DMD: variants seen among roughly 807,000 people sequenced by gnomAD.
The protein encoded by DMD is dystrophin.
In DMD, 63 loss-of-function variants were observed where a neutral mutation model predicts 330.1. That is an observed-to-expected ratio of 0.19 (90% CI 0.16 to 0.24). DMD has a LOEUF of 0.24. Among genes scored for constraint, DMD ranks in the 10% least tolerant of loss-of-function variants. The pLI is 1.00. For synonymous variants in DMD, 1,223 were observed against 959.8 expected (o/e 1.27, Z -5.07); for missense variants, 3,344 against 2,684.1 (o/e 1.25, Z -5.43).
intron 44 of DMD, among the ~76,000 whole-genome samples, chrX:32,189,790 GACCCCAAAAGCCT>G (rs1179531962): frequency 6.3e-5 from 7 of 110,766 alleles, no homozygotes; most frequent in Non-Finnish European, 1.1e-4. Flanking sequence ...GCAAAATTTT[GACCCCAAAAGCCT>G]AACTATGAGT....
chrX:31,802,712 T>C (rs929624696), intron 50 of DMD, among the ~76,000 whole-genome samples: 2 of 111,579 alleles, frequency 1.8e-5, no homozygotes, highest in Non-Finnish European at 3.8e-5. Context: ...TAAAAGATCA[T>C]GAGATTATTT....
At chrX:31,707,255 T>C (rs1018959991) in intron 52 of DMD, among the ~76,000 whole-genome samples, 19 of 110,906 alleles carry the variant, frequency 1.7e-4, no homozygotes, top group African/African-American at 6.2e-4. Flanking sequence ...GAGATGTTCA[T>C]GAAAATCTCC....
At chrX:33,098,522 C>A (rs1352785328) in intron 1 of DMD, among the ~76,000 whole-genome samples, 1 of 110,890 alleles carries the variant, frequency 9.0e-6, no homozygotes, top group African/African-American at 3.3e-5. Flanking sequence ...TTAAGTAGCA[C>A]GGCACTAAAG....
At chrX:33,095,954 T>C (rs986056760) in intron 1 of DMD, among the ~76,000 whole-genome samples, 2 of 105,245 alleles carry the variant, frequency 1.9e-5, no homozygotes, top group Non-Finnish European at 3.9e-5. Context: ...CAAACACTAC[T>C]TCTTCCAGAA....
At chrX:32,728,659 A>C (rs1871353066) in intron 7 of DMD, among the ~76,000 whole-genome samples, 1 of 112,343 alleles carries the variant, frequency 8.9e-6, no homozygotes, top group African/African-American at 3.2e-5. Flanking sequence ...TTATGGTATT[A>C]ATTGATATTA....
At chrX:31,421,978 T>C (rs764547275) in intron 60 of DMD, among the ~76,000 whole-genome samples, 7 of 70,975 alleles carry the variant, frequency 9.9e-5, no homozygotes, top group African/African-American at 5.7e-4. Context: ...TATATACACA[T>C]ATATATATGT....
intron 10 of DMD, among the ~76,000 whole-genome samples, chrX:32,644,757 G>A (rs1377077596): frequency 2.7e-5 from 3 of 110,981 alleles, no homozygotes; most frequent in East Asian, 5.6e-4. Context: ...TTGGGCTTTC[G>A]TATTCCTGTT....
chrX:32,959,353 C>T (rs12390813), intron 2 of DMD, among the ~76,000 whole-genome samples: 41,116 of 110,130 alleles, frequency 0.37, 6,729 homozygotes, highest in African/African-American at 0.64. Flanking sequence ...GATCCAGGGA[C>T]TCTTCTCATC....
chrX:32,791,549 T>C (rs961089376), intron 7 of DMD, among the ~76,000 whole-genome samples: 1 of 111,796 alleles, frequency 8.9e-6, no homozygotes, highest in African/African-American at 3.3e-5. Flanking sequence ...TCATACTGTT[T>C]ACATCCAAAG....
chrX:31,696,444 A>G lies in DMD; in HGVS notation c.7661-16858T>C, dbSNP rs372071227. Among the ~76,000 whole-genome samples the G allele has an allele frequency of 2.6e-4, 29 of 112,209 alleles. No homozygotes were observed. The South Asian group carries it at 0.011, about 41-fold the overall frequency. ...ACACAAAAACAGGAAAAAGTAATAG[A>G]AAACTTTTGAAGTAAGGATAGTAGT... On this transcript the variant is annotated intron_variant, in intron 52 of 78. Transcript: ENST00000357033.
chrX:31,228,278 A>T (rs1235908757), intron 63 of DMD, among the ~76,000 whole-genome samples: 8 of 74,555 alleles, frequency 1.1e-4, no homozygotes, highest in Admixed American at 2.4e-4. Context: ...AAAAAAATAA[A>T]AAAAAAAAAA....
At chrX:31,527,369 C>T (rs1343319377) in intron 55 of DMD, among the ~76,000 whole-genome samples, 4 of 111,626 alleles carry the variant, frequency 3.6e-5, no homozygotes, top group Non-Finnish European at 7.5e-5. Flanking sequence ...TTCCATGCAG[C>T]TAGTGTTCTG....
intron 44 of DMD, among the ~76,000 whole-genome samples, chrX:32,157,423 C>T (rs1337306514): frequency 1.8e-5 from 2 of 112,303 alleles, no homozygotes; most frequent in Non-Finnish European, 3.8e-5. Flanking sequence ...CAAGATTGCT[C>T]CTATGGGCAT....
At chrX:33,014,648 C>T (rs753181372) in intron 2 of DMD, among the ~76,000 whole-genome samples, 4 of 110,708 alleles carry the variant, frequency 3.6e-5, no homozygotes, top group African/African-American at 6.6e-5. Flanking sequence ...GAGTTAGGAA[C>T]ACAATGATTA....
At chrX:32,779,990 C>A (rs1305955639) in intron 7 of DMD, among the ~76,000 whole-genome samples, 1 of 111,510 alleles carries the variant, frequency 9.0e-6, no homozygotes, top group Non-Finnish European at 1.9e-5. Flanking sequence ...TTTAACTTGT[C>A]ATGTATCTTC....
intron 41 of DMD, among the ~76,000 whole-genome samples, chrX:32,337,411 T>A (rs1640598131): frequency 9.2e-6 from 1 of 109,061 alleles, no homozygotes; most frequent in Non-Finnish European, 1.9e-5. Flanking sequence ...ATGTTAAACA[T>A]CAAGATCATA....
At chrX:31,671,265 G>C (rs1460369062) in intron 53 of DMD, among the ~76,000 whole-genome samples, 5 of 111,761 alleles carry the variant, frequency 4.5e-5, no homozygotes, top group African/African-American at 6.5e-5. Context: ...AGCTTGAAAG[G>C]GTTTTGTACT....
rs1292726883 is a variant in DMD at position 31,736,764 on chromosome X, T to A, written c.7543-7016A>T. 2.7e-5 allele frequency among the ~76,000 whole-genome samples: 3 copies of A among 111,298 alleles called. No homozygotes were observed. In the East Asian group the frequency reaches 8.5e-4, roughly 31 times the overall value. ...AGTTGTTTATTGAGTGCATACCATA[T>A]GCCAAAAGAGTCTATCACAGCATAC... On this transcript the variant is annotated intron_variant, in intron 51 of 78. Transcript: ENST00000357033.
At chrX:31,559,640 CAAAAAAAAA>C (rs1167550498) in intron 55 of DMD, among the ~76,000 whole-genome samples, 1 of 21,638 alleles carries the variant, frequency 4.6e-5, no homozygotes. Context: ...AACTCCGTCT[CAAAAAAAAA>C]AAAAAAAAAA....
Sources: allele counts gnomAD v4.1 joint callset (sites outside exome capture counted in the v4.1 genomes callset), GRCh38; gene constraint gnomAD v4.1.1; transcripts MANE v1.5; gene names NCBI Gene and HGNC (gene_info 2026-07-23, HGNC 2026-07-21).